The following RSU1 variants were observed in gnomAD, a reference collection of about 807,000 sequenced individuals.
RSU1 encodes Ras suppressor protein 1, also known as rsu-1.
In RSU1, 26 loss-of-function variants were observed where a neutral mutation model predicts 31.1. That is an observed-to-expected ratio of 0.84 (90% CI 0.61 to 1.16). The LOEUF is 1.16. RSU1 is among the 50% of genes most tolerant of loss of function. The pLI is 0.00. For synonymous variants in RSU1, 164 were observed against 136.3 expected, an observed-to-expected ratio of 1.20 and a Z score of -1.41; for missense variants, 320 against 339.1, an observed-to-expected ratio of 0.94 and a Z score of 0.44.
intron 8 of RSU1, among the ~76,000 whole-genome samples, chr10:16,654,325 G>A (rs1834734412): frequency 1.4e-5 from 2 of 142,616 alleles, no homozygotes; most frequent in African/African-American, 5.4e-5. Flanking sequence ...ACACAAATGT[G>A]TGCCATATTT....
chr10:16,695,862 A>T (rs1835663479), intron 7 of RSU1, among the ~76,000 whole-genome samples: 1 of 152,180 alleles, frequency 6.6e-6, no homozygotes, highest in African/African-American at 2.4e-5. Context: ...GCTCAATCTC[A>T]TACACCTTCT....
intron 8 of RSU1, among the ~76,000 whole-genome samples, chr10:16,687,373 G>C (rs1259875552): frequency 6.6e-6 from 1 of 152,056 alleles, no homozygotes; most frequent in African/African-American, 2.4e-5. Flanking sequence ...CATTTTGCAT[G>C]AGCTATAAAA....
At chr10:16,759,623 G>A (rs1439275417) in intron 4 of RSU1, among the ~76,000 whole-genome samples, 1 of 152,150 alleles carries the variant, frequency 6.6e-6, no homozygotes, top group Non-Finnish European at 1.5e-5. Flanking sequence ...CGTTATTCCC[G>A]AACAGTTGGG....
At chr10:16,814,523 C>T (rs999986571) in intron 2 of RSU1, among the ~76,000 whole-genome samples, 1 of 150,508 alleles carries the variant, frequency 6.6e-6, no homozygotes. Flanking sequence ...TATTTTAATA[C>T]TTGTATATAT....
chr10:16,749,095 CTGAATGAATAAA>C (rs1284216296), intron 7 of RSU1, among the ~76,000 whole-genome samples: 1 of 152,070 alleles, frequency 6.6e-6, no homozygotes, highest in Non-Finnish European at 1.5e-5. Flanking sequence ...GGAACTTAAC[CTGAATGAATAAA>C]TGAATGAATG....
chr10:16,706,468 T>C lies in RSU1; in HGVS notation c.599-11313A>G, dbSNP rs12569992. ...GTTGTGTTTTTTATTGTTGCTGCTG[T>C]TGAGTTTTAGTTCTCTATATACTCT... On this transcript the variant is annotated intron_variant, in intron 7 of 8. Transcript: ENST00000345264. 9.6e-3 allele frequency among the ~76,000 whole-genome samples: 1,464 copies of C among 152,346 alleles called. 28 individuals are homozygous for C. Among genetic ancestry groups the C allele is most frequent in the East Asian group, 0.081 (418 of 5,182 alleles).
At chr10:16,600,809 A>C (rs1833704832) in intron 8 of RSU1, among the ~76,000 whole-genome samples, 1 of 151,980 alleles carries the variant, frequency 6.6e-6, no homozygotes, top group South Asian at 2.1e-4. Flanking sequence ...CAATCCTCTC[A>C]CCTCACACTC....
At chr10:16,718,982 C>CA (rs796946983) in intron 7 of RSU1, among the ~76,000 whole-genome samples, 56,655 of 111,442 alleles carry the variant, frequency 0.51, 13,993 homozygotes, top group Middle Eastern at 0.64. Context: ...AACTTCATCT[C>CA]AAAAAAAAAA....
intron 4 of RSU1, among the ~76,000 whole-genome samples, chr10:16,757,601 G>A (rs1474432558): frequency 6.6e-6 from 1 of 152,206 alleles, no homozygotes; most frequent in African/African-American, 2.4e-5. Flanking sequence ...AGGTAAGATG[G>A]AGCTTGTCAT....
intron 8 of RSU1, among the ~76,000 whole-genome samples, chr10:16,692,067 T>A (rs1052954239): frequency 2.0e-5 from 3 of 152,168 alleles, no homozygotes; most frequent in Non-Finnish European, 4.4e-5. Flanking sequence ...CTACTGAAAC[T>A]TTTTAATGTT....
intron 7 of RSU1, among the ~76,000 whole-genome samples, chr10:16,708,070 T>C (rs1292470672): frequency 6.6e-6 from 1 of 152,144 alleles, no homozygotes; most frequent in Non-Finnish European, 1.5e-5. Context: ...GTTCCACTGG[T>C]TTATGCGTCT....
At chr10:16,790,857 C>T (rs950365094) in intron 2 of RSU1, among the ~76,000 whole-genome samples, 2 of 152,168 alleles carry the variant, frequency 1.3e-5, no homozygotes, top group East Asian at 3.9e-4. Flanking sequence ...TCTTCCCCTT[C>T]GCCTTCCACC....
intron 2 of RSU1, among the ~76,000 whole-genome samples, chr10:16,785,526 A>ATACACATATATACATATATATATATATAT (rs1240281059): frequency 7.1e-6 from 1 of 141,836 alleles, no homozygotes; most frequent in Non-Finnish European, 1.5e-5. Context: ...ATATATATAT[A>ATACACATATATACATATATATATATATAT]ATATTAGTTC....
chr10:16,654,802 T>C (rs1221309263), intron 8 of RSU1, among the ~76,000 whole-genome samples: 3 of 151,982 alleles, frequency 2.0e-5, no homozygotes, highest in African/African-American at 7.3e-5. Context: ...CTCATGCCTA[T>C]AATCCGAGCG....
intron 2 of RSU1, among the ~76,000 whole-genome samples, chr10:16,816,448 C>T (rs1329753585): frequency 6.6e-6 from 1 of 152,156 alleles, no homozygotes; most frequent in Non-Finnish European, 1.5e-5. Flanking sequence ...AAACTGAAGG[C>T]AAGAGGGCAA....
chr10:16,797,272 C>T (rs530557789), intron 2 of RSU1, among the ~76,000 whole-genome samples: 2 of 152,110 alleles, frequency 1.3e-5, no homozygotes, highest in African/African-American at 2.4e-5. Flanking sequence ...AAAAATAAAA[C>T]GCTTTTAAAA....
rs545594699 is a variant in RSU1 at position 16,764,954 on chromosome 10, G to T, written c.161-444C>A. ...TGCTTCTTCGTATATGATTAGCTAA[G>T]TGCTTGGCACAGTTTGTTTCAGATG... On this transcript the variant is annotated intron_variant, in intron 3 of 8. Transcript: ENST00000345264. Among the ~76,000 whole-genome samples, 4 of 151,242 alleles carry T rather than the reference G, an allele frequency of 2.6e-5. No homozygotes were observed. In the South Asian group the frequency reaches 8.3e-4, roughly 32 times the overall value.
chr10:16,812,335 G>C (rs568891839), intron 2 of RSU1, among the ~76,000 whole-genome samples: 39 of 152,276 alleles, frequency 2.6e-4, no homozygotes, highest in African/African-American at 8.7e-4. Context: ...CCAGTTACTG[G>C]GGAGGCTGAG....
Position 16,646,061 on chromosome 10 carries a change from TACACACACAC to T in RSU1, c.731+48952_731+48961del, listed in dbSNP as rs57414227. On this transcript the variant is annotated intron_variant, in intron 8 of 8. Coordinates refer to ENST00000345264, the MANE Select transcript of RSU1 (RefSeq NM_012425.4). ...ATATACATATATGTGTATATATATA[TACACACACAC>T]ACACACACACACACACACATACATA... 1.4e-3 allele frequency among the ~76,000 whole-genome samples: 114 copies of T among 78,952 alleles called. 15 individuals carry two copies. The highest frequency in any genetic ancestry group is 6.7e-3 in the African/African-American group (93 of 13,790). 51.8% of individuals were successfully genotyped at this position (78,952 alleles called of 152,430 possible). A position where few individuals can be genotyped will look rare whatever the true frequency, so the allele number is the denominator to read the frequency against.
Sources: allele counts gnomAD v4.1 joint callset (sites outside exome capture counted in the v4.1 genomes callset), GRCh38; gene constraint gnomAD v4.1.1; transcripts MANE v1.5; gene names NCBI Gene and HGNC (gene_info 2026-07-23, HGNC 2026-07-21).